Variants in TAFA1 observed in about 807,000 individuals in gnomAD.
TAFA1 encodes TAFA chemokine like family member 1.
Under a neutral mutation model 18.5 loss-of-function variants are expected in TAFA1, and 4 were observed. The ratio of observed to expected loss-of-function variants is 0.22; its 90% CI spans 0.11 to 0.49. The LOEUF is 0.49. Ranked by LOEUF, TAFA1 falls within the 20% of genes least tolerant of loss-of-function variation. TAFA1 has a pLI of 0.98. For missense variants in TAFA1, 147 were observed against 169.0 expected (o/e 0.87, Z 0.72); for synonymous variants, 56 against 55.2 (o/e 1.01, Z -0.06).
chr3:68,501,090 G>A (rs537183215), intron 3 of TAFA1, among the ~76,000 whole-genome samples: 1 of 148,722 alleles, frequency 6.7e-6, no homozygotes, highest in South Asian at 2.1e-4. Context: ...AGGAGGAAGA[G>A]GTCGTAGTGA....
At position 68,223,376 on chromosome 3, in the gene TAFA1, G is replaced by A. The variant is rs142080651; in HGVS notation, c.119-193904G>A. On this transcript the variant is annotated intron_variant, in intron 2 of 4. Transcript: ENST00000478136. ...CTATGTTAAATACTTTATATACACC[G>A]TGTTATTCAATAGTATCACTGAATA... Among the ~76,000 whole-genome samples, 698 of 152,124 alleles carry A rather than the reference G, an allele frequency of 4.6e-3. 7 individuals carry two copies. Among genetic ancestry groups the A allele is most frequent in the African/African-American group, 0.016 (668 of 41,484 alleles).
At chr3:68,124,762 T>C (rs1251633994) in intron 2 of TAFA1, among the ~76,000 whole-genome samples, 1 of 152,244 alleles carries the variant, frequency 6.6e-6, no homozygotes, top group Admixed American at 6.5e-5. Flanking sequence ...GTCCAGAGCC[T>C]GTGCTCCTAG....
intron 2 of TAFA1, among the ~76,000 whole-genome samples, chr3:68,241,064 T>C (rs2066991512): frequency 6.6e-6 from 1 of 152,190 alleles, no homozygotes; most frequent in Non-Finnish European, 1.5e-5. Context: ...CGTCACAGCA[T>C]ATTTTGGGCT....
At chr3:68,501,721 T>A (rs1912852) in intron 3 of TAFA1, among the ~76,000 whole-genome samples, 30,838 of 152,106 alleles carry the variant, frequency 0.2, 3,228 homozygotes, top group Middle Eastern at 0.24. Context: ...TAGGCTATTA[T>A]TTGACCATAG....
upstream of TAFA1, among the ~76,000 whole-genome samples, chr3:68,002,381 A>G (rs1049108849): frequency 1.3e-5 from 2 of 152,230 alleles, no homozygotes; most frequent in African/African-American, 2.4e-5. Flanking sequence ...GGTCGATTAA[A>G]TTGAATTATG....
chr3:68,136,830 A>T lies in TAFA1; in HGVS notation c.118+130086A>T, dbSNP rs1020754606. ...TTCCATCAGTGTACATCTTGGAGAG[A>T]CATGGTTTGGATCAATTAATCTGTA... On this transcript the variant is annotated intron_variant, in intron 2 of 4. Transcript: ENST00000478136. Among the ~76,000 whole-genome samples, 4 of 152,232 alleles carry T rather than the reference A, an allele frequency of 2.6e-5. No individual in the cohort carries two copies. The East Asian group carries it at 7.7e-4, about 29-fold the overall frequency.
At chr3:68,541,945 A>G (rs1402996479) in intron 4 of TAFA1, among the ~76,000 whole-genome samples, 1 of 152,180 alleles carries the variant, frequency 6.6e-6, no homozygotes, top group Non-Finnish European at 1.5e-5. Context: ...GAAGGTGAAG[A>G]GTAGAAATGT....
intron 2 of TAFA1, among the ~76,000 whole-genome samples, chr3:68,342,794 G>A (rs772157500): frequency 6.6e-6 from 1 of 152,148 alleles, no homozygotes; most frequent in Non-Finnish European, 1.5e-5. Flanking sequence ...TGTGCTTAGC[G>A]AGTTAGGCGT....
At chr3:68,012,323 A>T (rs879280774) in intron 2 of TAFA1, among the ~76,000 whole-genome samples, 1 of 152,212 alleles carries the variant, frequency 6.6e-6, no homozygotes, top group Non-Finnish European at 1.5e-5. Context: ...TTTAATGGCA[A>T]AAAATTGAAG....
At chr3:68,497,106 T>G (rs546746825) in intron 3 of TAFA1, among the ~76,000 whole-genome samples, 1 of 152,282 alleles carries the variant, frequency 6.6e-6, no homozygotes, top group East Asian at 1.9e-4. Context: ...TAGACATGAT[T>G]ATAATACCAC....
intron 2 of TAFA1, among the ~76,000 whole-genome samples, chr3:68,107,134 A>G (rs1466322450): frequency 6.6e-6 from 1 of 152,132 alleles, no homozygotes; most frequent in Non-Finnish European, 1.5e-5. Flanking sequence ...CTCCACATTC[A>G]GTGATGCCAT....
intron 2 of TAFA1, among the ~76,000 whole-genome samples, chr3:68,054,211 T>C (rs891871655): frequency 3.9e-5 from 6 of 152,138 alleles, no homozygotes; most frequent in African/African-American, 1.4e-4. Flanking sequence ...GGGAGGGGCT[T>C]GGGTCATGGA....
chr3:68,163,592 C>G (rs1205551770), intron 2 of TAFA1, among the ~76,000 whole-genome samples: 1 of 152,126 alleles, frequency 6.6e-6, no homozygotes, highest in East Asian at 1.9e-4. Flanking sequence ...GTCTTTTATA[C>G]TTATTTATCT....
At chr3:68,416,224 A>T (rs1207275415) in intron 2 of TAFA1, among the ~76,000 whole-genome samples, 1 of 152,160 alleles carries the variant, frequency 6.6e-6, no homozygotes, top group Non-Finnish European at 1.5e-5. Flanking sequence ...GCTGTGTCTT[A>T]AGTCTTCTCT....
At position 68,310,888 on chromosome 3, in the gene TAFA1, A is replaced by T. The variant is rs566958563; in HGVS notation, c.119-106392A>T. On this transcript the variant is annotated intron_variant, in intron 2 of 4. Coordinates refer to ENST00000478136, the MANE Select transcript of TAFA1 (RefSeq NM_213609.4). ...TTTTAGTGCTGTCAAGTGTTTACGTATGCTAAATTTTGGTTGCTTATTATA... is the reference window on the plus strand; with the variant it reads ...TTTTAGTGCTGTCAAGTGTTTACGTTTGCTAAATTTTGGTTGCTTATTATA... Among the ~76,000 whole-genome samples, 9 of 152,152 alleles carry T rather than the reference A, an allele frequency of 5.9e-5. No individual in the cohort carries two copies. The South Asian group carries it at 1.7e-3, about 28-fold the overall frequency.
rs558003294 is a variant in TAFA1, at chr3:68,397,278, G to A, written c.119-20002G>A. 1.8e-4 allele frequency among the ~76,000 whole-genome samples: 27 copies of A among 151,064 alleles called. No homozygotes were observed. In the East Asian group the frequency reaches 3.5e-3, roughly 20 times the overall value. ...CACCTAGGTTTTAAGTCCCGCATGCGTTAGGTATTTGTCCTAATGCTGTCC... is the reference window on the plus strand; with the variant it reads ...CACCTAGGTTTTAAGTCCCGCATGCATTAGGTATTTGTCCTAATGCTGTCC... On this transcript the variant is annotated intron_variant, in intron 2 of 4. Coordinates refer to ENST00000478136, the MANE Select transcript of TAFA1 (RefSeq NM_213609.4).
chr3:68,083,638 T>C (rs62245906), intron 2 of TAFA1, among the ~76,000 whole-genome samples: 8 of 152,162 alleles, frequency 5.3e-5, no homozygotes, highest in Non-Finnish European at 1.2e-4. Flanking sequence ...TCATGGGAAA[T>C]GGAGTTAAAT....
rs111367916 is a variant in TAFA1, at chr3:68,202,879, C to T, written c.118+196135C>T. 5.5e-3 allele frequency among the ~76,000 whole-genome samples: 822 copies of T among 150,622 alleles called. 6 individuals carry two copies. Among genetic ancestry groups the T allele is most frequent in the African/African-American group, 0.018 (738 of 41,120 alleles). On this transcript the variant is annotated intron_variant, in intron 2 of 4. Coordinates refer to ENST00000478136, the MANE Select transcript of TAFA1 (RefSeq NM_213609.4). ...AAAAAAACAAAAATTTTTATTTTAC[C>T]CTCACTTAGTTTTTCTTCAATCCTT...
chr3:68,187,152 A>G (rs1338052602), intron 2 of TAFA1, among the ~76,000 whole-genome samples: 3 of 152,030 alleles, frequency 2.0e-5, no homozygotes, highest in Non-Finnish European at 4.4e-5. Flanking sequence ...AAAATAAAAC[A>G]TGAATATTGT....
Sources: gnomAD v4.1 joint callset for allele counts (sites outside exome capture counted in the v4.1 genomes callset) on GRCh38, gnomAD v4.1.1 for gene constraint, MANE v1.5 for transcripts, NCBI Gene and HGNC (gene_info 2026-07-23, HGNC 2026-07-21) for gene names.